Variants in B3GAT1 observed in about 807,000 individuals in gnomAD.
B3GAT1 encodes beta-1,3-glucuronyltransferase 1.
B3GAT1 carries 11 observed loss-of-function variants against 28.4 expected under a neutral mutation model. The observed-to-expected ratio is 0.39, with a 90% CI of 0.24 to 0.64. The LOEUF (loss-of-function observed/expected upper bound fraction) is 0.64, where lower values mean the gene tolerates loss of function less well. Ranked by LOEUF, B3GAT1 falls within the 30% of genes least tolerant of loss-of-function variation. The pLI is 0.50. For missense variants in B3GAT1, 375 were observed against 491.0 expected (o/e 0.76, Z 2.23); for synonymous variants, 255 against 223.1 (o/e 1.14, Z -1.27).
intron 1 of B3GAT1, chr11:134,389,256 G>C (rs976858657): frequency 6.6e-6 from 1 of 152,258 alleles, no homozygotes; most frequent in Non-Finnish European, 1.5e-5. Flanking sequence ...GGGGAAGTAC[G>C]AGAGTGCCTT....
chr11:134,397,014 C>T (rs79891796), intron 1 of B3GAT1, among the ~76,000 whole-genome samples: 2,399 of 152,306 alleles, frequency 0.016, 22 homozygotes, highest in Middle Eastern at 0.031. Context: ...GATCCAACCA[C>T]CATCTTTCCT....
Position 134,383,804 on chromosome 11 carries a change from C to A in B3GAT1, c.497G>T (p.Gly166Val). 6.3e-7 allele frequency: 1 copy of A among 1,596,482 alleles called. No individual in the cohort carries two copies. Among genetic ancestry groups the A allele is most frequent in the Non-Finnish European group, 8.5e-7 (1 of 1,172,524 alleles). Reference sequence around the variant, plus strand: ...CAGGGCCAGGTTGCGCTGCATGGTGCCCCGCGGGATGCGTGGGTCGCGGGC... The same window carrying A: ...CAGGGCCAGGTTGCGCTGCATGGTGACCCGCGGGATGCGTGGGTCGCGGGC... ...GDARDPRIPR[G>V]TMQRNLALRW... is the part of the protein sequence containing the mutation. The change falls in exon 3 of 6, where the codon GGC becomes GTC. Residue 166 changes from glycine (G) to valine (V), a missense_variant. Transcript: ENST00000312527.
intron 1 of B3GAT1, among the ~76,000 whole-genome samples, chr11:134,402,012 C>T (rs968270086): frequency 7.9e-5 from 12 of 151,192 alleles, no homozygotes; most frequent in Non-Finnish European, 1.2e-4. Flanking sequence ...GAGGCGGGGC[C>T]CCTGGAACCT....
intron 1 of B3GAT1, chr11:134,392,228 G>A (rs1217672380): frequency 6.6e-6 from 1 of 151,614 alleles, no homozygotes; most frequent in Admixed American, 6.6e-5. Flanking sequence ...CAGCACCCGT[G>A]GAACTGAGTC....
chr11:134,408,165 G>A (rs1180015869), intron 1 of B3GAT1, among the ~76,000 whole-genome samples: 1 of 151,874 alleles, frequency 6.6e-6, no homozygotes, highest in African/African-American at 2.4e-5. Context: ...AGCGGGTGAG[G>A]AGGGAGGTGG....
chr11:134,398,682 C>T (rs528814191), intron 1 of B3GAT1, among the ~76,000 whole-genome samples: 2 of 151,750 alleles, frequency 1.3e-5, no homozygotes, highest in Admixed American at 1.3e-4. Flanking sequence ...GGGTCCTTGC[C>T]GTGCCTCTGT....
chr11:134,401,064 T>C (rs1944604490), intron 1 of B3GAT1, among the ~76,000 whole-genome samples: 1 of 152,198 alleles, frequency 6.6e-6, no homozygotes, highest in African/African-American at 2.4e-5. Flanking sequence ...CCAGTCCGAA[T>C]GGCTATTACT....
rs558191809 is a variant in B3GAT1 at position 134,411,984 on chromosome 11, C to CGCCCGCCCGCCCGCA, written c.-460_-459insTGCGGGCGGGCGGGC. On this transcript the variant is annotated 5_prime_UTR_variant, in exon 1 of 6. Transcript: ENST00000312527. The surrounding 1 kb of genome is among the most constrained non-coding windows in gnomAD (Gnocchi z 6.0). Reference sequence around the variant, plus strand: ...TAGCCGCGGGGTCCGCGCGCCCGCCCGCCCCGCCCGGCCCCGCCGCCCCGG... The same window carrying CGCCCGCCCGCCCGCA: ...TAGCCGCGGGGTCCGCGCGCCCGCCCGCCCGCCCGCCCGCAGCCCCGCCCGGCCCCGCCGCCCCGG... 18,499 of 147,528 alleles carry CGCCCGCCCGCCCGCA rather than the reference C, an allele frequency of 0.13. 1,300 individuals are homozygous for CGCCCGCCCGCCCGCA. The highest frequency in any genetic ancestry group is 0.16 in the African/African-American group (6,412 of 40,698). The allele number at this position is 147,528 out of a possible 1,614,324, so 9.1% of individuals were successfully genotyped here. A position where few individuals can be genotyped will look rare whatever the true frequency, so the allele number is the denominator to read the frequency against.
intron 5 of B3GAT1, among the ~76,000 whole-genome samples, chr11:134,381,290 G>C (rs1944117231): frequency 6.6e-6 from 1 of 152,168 alleles, no homozygotes; most frequent in Non-Finnish European, 1.5e-5. Context: ...CTTCCAGAGA[G>C]GGCTTTAAAG....
At chr11:134,406,880 C>T (rs56049440) in intron 1 of B3GAT1, among the ~76,000 whole-genome samples, 13 of 127,702 alleles carry the variant, frequency 1.0e-4, no homozygotes, top group African/African-American at 2.4e-4. Context: ...GTGCAGGCTC[C>T]GGTCCACAAC....
chr11:134,381,217 T>C (rs1944114931), intron 5 of B3GAT1, among the ~76,000 whole-genome samples: 1 of 152,220 alleles, frequency 6.6e-6, no homozygotes, highest in Admixed American at 6.5e-5. Context: ...CCTTGGAACA[T>C]TCATTTAGCT....
Position 134,384,170 on chromosome 11 carries a change from CG to C in B3GAT1, c.130del (p.Arg44AspfsTer46). 1.3e-6 allele frequency: 2 copies of C among 1,546,880 alleles called. No individual in the cohort carries two copies. On this transcript the variant is annotated frameshift_variant, in exon 3 of 6. Coordinates refer to ENST00000312527, the MANE Select transcript of B3GAT1 (RefSeq NM_054025.3). LOFTEE classifies it high-confidence loss of function. ...GTCGGCGCCGGGCGGCGTTTCGCGTCGGGGGTCACTGCCCTCATCTGCGGAG... is the reference window on the plus strand; with the variant it reads ...GTCGGCGCCGGGCGGCGTTTCGCGTCGGGGTCACTGCCCTCATCTGCGGAG... The part of the protein sequence containing the change: ...AVHKDEGSDP[R>X]RETPPGADPR...
Position 134,387,821 on chromosome 11 carries a change from T to C in B3GAT1, c.-162A>G. The C allele has an allele frequency of 3.3e-6, 5 of 1,533,840 alleles. No individual in the cohort carries two copies. The highest frequency in any genetic ancestry group is 1.4e-5 in the African/African-American group (1 of 73,056). The stretch of plus-strand genomic sequence containing the variant: ...GAGCAGCTGAATGTTGGCTAGCAGG[T>C]CTTACCAGCACTCACAACCCACCCA... On this transcript the variant is annotated 5_prime_UTR_variant, in exon 2 of 6. Coordinates refer to ENST00000312527, the MANE Select transcript of B3GAT1 (RefSeq NM_054025.3).
intron 5 of B3GAT1, among the ~76,000 whole-genome samples, chr11:134,381,483 A>G (rs1050799581): frequency 6.6e-6 from 1 of 151,940 alleles, no homozygotes; most frequent in African/African-American, 2.4e-5. Flanking sequence ...ACTCTGCGCT[A>G]CCTCTCACTA....
At chr11:134,383,363 G>A (rs918481605) in intron 3 of B3GAT1, among the ~76,000 whole-genome samples, 28 of 152,164 alleles carry the variant, frequency 1.8e-4, no homozygotes, top group Middle Eastern at 6.8e-3. Flanking sequence ...ATACTCAGGC[G>A]AGCTCCAACT....
At chr11:134,406,081 C>A (rs1944725520) in intron 1 of B3GAT1, among the ~76,000 whole-genome samples, 1 of 152,236 alleles carries the variant, frequency 6.6e-6, no homozygotes, top group African/African-American at 2.4e-5. Context: ...GCAGACGCAG[C>A]TGGGACCAGC....
At chr11:134,383,288 C>T (rs985167157) in intron 3 of B3GAT1, among the ~76,000 whole-genome samples, 50 of 152,264 alleles carry the variant, frequency 3.3e-4, no homozygotes, top group African/African-American at 1.2e-3. Context: ...TGTCTAAAAC[C>T]TTTCAGTCTC....
rs764657042 is a variant in B3GAT1, at chr11:134,382,701, G to C, written c.918+9C>G. Reference sequence around the variant, plus strand: ...GCATCACAGCTGTCAGTTCTGCGGAGGGTCTCACCTTGGTGCAGTTGGCTG... The same window carrying C: ...GCATCACAGCTGTCAGTTCTGCGGACGGTCTCACCTTGGTGCAGTTGGCTG... On this transcript the variant is annotated intron_variant, in intron 4 of 5. Coordinates refer to ENST00000312527, the MANE Select transcript of B3GAT1 (RefSeq NM_054025.3). The C allele has an allele frequency of 1.9e-6, 3 of 1,608,870 alleles. No homozygotes were observed. Among genetic ancestry groups the C allele is most frequent in the Non-Finnish European group, 2.6e-6 (3 of 1,175,940 alleles).
rs2136347385 is a variant in B3GAT1, at chr11:134,411,599, C to T, written c.-282+208G>A. 6.6e-6 allele frequency among the ~76,000 whole-genome samples: 1 copy of T among 152,240 alleles called. No homozygotes were observed. Among genetic ancestry groups the T allele is most frequent in the South Asian group, 2.1e-4 (1 of 4,828 alleles). ...TGTGCCGGGTTTTGTTTCGCAGCCC[C>T]TCGGCAGCAGCGCCTCCCAGCCCGA... On this transcript the variant is annotated intron_variant, in intron 1 of 5. Coordinates refer to ENST00000312527, the MANE Select transcript of B3GAT1 (RefSeq NM_054025.3). This position sits in a 1 kb window ranked among gnomAD's most constrained non-coding sequence, Gnocchi z 6.0.
Sources: gnomAD v4.1 joint callset for allele counts (sites outside exome capture counted in the v4.1 genomes callset) on GRCh38, gnomAD v4.1.1 for gene constraint, Gnocchi (gnomAD v3.1) non-coding constraint, MANE v1.5 for transcripts, NCBI Gene and HGNC (gene_info 2026-07-23, HGNC 2026-07-21) for gene names.